PARD3B: variants seen among roughly 807,000 people sequenced by gnomAD.
The protein encoded by PARD3B is partitioning defective 3 homolog B.
Under a neutral mutation model 130.2 loss-of-function variants are expected in PARD3B, and 103 were observed. The observed-to-expected ratio is 0.79, with a 90% confidence interval of 0.67 to 0.93. The LOEUF (loss-of-function observed/expected upper bound fraction) is 0.93. Among genes scored for constraint, PARD3B ranks in the 40% least tolerant of loss-of-function variants. The pLI, the probability that PARD3B is intolerant of heterozygous loss-of-function variation, is 0.00. For synonymous variants in PARD3B, 583 were observed against 553.2 expected, an observed-to-expected ratio of 1.05 and a Z score of -0.76; for missense variants, 1,609 against 1,499.2, an observed-to-expected ratio of 1.07 and a Z score of -1.21.
At chr2:204,579,745 C>G (rs1472125880) in intron 1 of PARD3B, among the ~76,000 whole-genome samples, 1 of 152,228 alleles carries the variant, frequency 6.6e-6, no homozygotes, top group Non-Finnish European at 1.5e-5. Flanking sequence ...CTCATTCCTC[C>G]CCTCTACCCA....
At chr2:205,196,189 C>G (rs1319530443) in intron 15 of PARD3B, among the ~76,000 whole-genome samples, 1 of 152,158 alleles carries the variant, frequency 6.6e-6, no homozygotes, top group Middle Eastern at 3.2e-3. Context: ...AGTTGCTTCC[C>G]CATCTATGTA....
intron 20 of PARD3B, among the ~76,000 whole-genome samples, chr2:205,474,404 A>G (rs1461606768): frequency 6.6e-6 from 1 of 152,158 alleles, no homozygotes; most frequent in Non-Finnish European, 1.5e-5. Context: ...TATAGTGCTC[A>G]CACACACATA....
chr2:204,629,172 A>C (rs1211105778), intron 1 of PARD3B, among the ~76,000 whole-genome samples: 1 of 152,220 alleles, frequency 6.6e-6, no homozygotes, highest in Non-Finnish European at 1.5e-5. Context: ...CTCAAGGAGA[A>C]GCAAGAAGAA....
chr2:205,419,977 A>C (rs1454391508), intron 19 of PARD3B, among the ~76,000 whole-genome samples: 1 of 152,194 alleles, frequency 6.6e-6, no homozygotes, highest in Non-Finnish European at 1.5e-5. Flanking sequence ...ATATTTTCGA[A>C]AGATTTGCGG....
At position 205,473,638 on chromosome 2, in the gene PARD3B, A is replaced by G. The variant is rs762811850; in HGVS notation, c.3045-26258A>G. The stretch of plus-strand genomic sequence containing the variant: ...ATGCTTCTTTCTTCTATGTTTCCCA[A>G]TATAAGGTTATATATATGTGTGTGT... On this transcript the variant is annotated intron_variant, in intron 20 of 22. Transcript: ENST00000406610. This position sits in a 1 kb window ranked among gnomAD's most constrained non-coding sequence, Gnocchi z 4.9. Among the ~76,000 whole-genome samples, 1 of 146,670 alleles carries G rather than the reference A, an allele frequency of 6.8e-6. No individual in the cohort carries two copies. The highest frequency in any genetic ancestry group is 2.0e-4 in the East Asian group (1 of 4,982).
At chr2:205,063,272 C>A (rs1201691557) in intron 4 of PARD3B, among the ~76,000 whole-genome samples, 2 of 151,772 alleles carry the variant, frequency 1.3e-5, no homozygotes. Context: ...ATGAATGTAT[C>A]AAAGTATCAC....
intron 16 of PARD3B, among the ~76,000 whole-genome samples, chr2:205,273,717 G>T (rs953067594): frequency 6.6e-6 from 1 of 152,230 alleles, no homozygotes; most frequent in African/African-American, 2.4e-5. Flanking sequence ...CATCAGTCAT[G>T]TGTTCACTTG....
chr2:205,344,883 G>A lies in PARD3B; in HGVS notation c.2630+43182G>A, dbSNP rs897944823. 4.6e-5 allele frequency among the ~76,000 whole-genome samples: 7 copies of A among 152,192 alleles called. No homozygotes were observed. In the East Asian group the frequency reaches 5.8e-4, roughly 13 times the overall value. Reference sequence around the variant, plus strand: ...CTGGAAATATATTCTAAAAGCTCACGTCTGAAAGTTGGGTAACGAGGAATT... The same window carrying A: ...CTGGAAATATATTCTAAAAGCTCACATCTGAAAGTTGGGTAACGAGGAATT... On this transcript the variant is annotated intron_variant, in intron 18 of 22. Coordinates refer to ENST00000406610, the MANE Select transcript of PARD3B (RefSeq NM_001302769.2).
chr2:204,857,336 G>T (rs1442049228), intron 2 of PARD3B, among the ~76,000 whole-genome samples: 1 of 152,096 alleles, frequency 6.6e-6, no homozygotes, highest in Admixed American at 6.6e-5. Flanking sequence ...GTTTGTATCT[G>T]TCTCTCAAGC....
rs1220456633 is a variant in PARD3B, at chr2:205,563,368, C to T, written c.3260+9965C>T. Among the ~76,000 whole-genome samples, 2 of 152,128 alleles carry T rather than the reference C, an allele frequency of 1.3e-5. No homozygotes were observed. Among genetic ancestry groups the T allele is most frequent in the Admixed American group, 6.6e-5 (1 of 15,266 alleles). On this transcript the variant is annotated intron_variant, in intron 22 of 22. Coordinates refer to ENST00000406610, the MANE Select transcript of PARD3B (RefSeq NM_001302769.2). The surrounding 1 kb of genome is among the most constrained non-coding windows in gnomAD (Gnocchi z 4.2). Reference sequence around the variant, plus strand: ...GCTGGCTAGGAGTCATATGATGCTCCTTTAATAAAAGAAAAAAATGTATCC... The same window carrying T: ...GCTGGCTAGGAGTCATATGATGCTCTTTTAATAAAAGAAAAAAATGTATCC...
chr2:204,598,777 C>T (rs2033396810), intron 1 of PARD3B, among the ~76,000 whole-genome samples: 2 of 151,718 alleles, frequency 1.3e-5, no homozygotes, highest in South Asian at 4.2e-4. Context: ...TTTACGTATC[C>T]ATCATTATTT....
intron 22 of PARD3B, among the ~76,000 whole-genome samples, chr2:205,574,960 T>C (rs1044277965): frequency 8.6e-5 from 13 of 151,460 alleles, no homozygotes; most frequent in African/African-American, 3.1e-4. Context: ...CACAGAAAGG[T>C]TCATCGTATC....
At chr2:204,959,629 A>T (rs1429839407) in intron 2 of PARD3B, among the ~76,000 whole-genome samples, 1 of 152,160 alleles carries the variant, frequency 6.6e-6, no homozygotes, top group Non-Finnish European at 1.5e-5. Flanking sequence ...GTTCTTGTTG[A>T]CTTTCCTTTT....
chr2:205,001,241 G>A (rs911449292), intron 3 of PARD3B, among the ~76,000 whole-genome samples: 8 of 152,080 alleles, frequency 5.3e-5, no homozygotes, highest in Non-Finnish European at 7.3e-5. Flanking sequence ...TGCTCACCTC[G>A]GCCTCCCAAA....
At chr2:205,200,872 G>A (rs1453423567) in intron 15 of PARD3B, among the ~76,000 whole-genome samples, 1 of 152,170 alleles carries the variant, frequency 6.6e-6, no homozygotes, top group Non-Finnish European at 1.5e-5. Context: ...AAGATTAATT[G>A]TATAAGTGTA....
intron 16 of PARD3B, among the ~76,000 whole-genome samples, chr2:205,293,165 C>T (rs903890191): frequency 2.6e-5 from 4 of 151,906 alleles, no homozygotes; most frequent in Non-Finnish European, 4.4e-5. Flanking sequence ...CCAGGCTATA[C>T]AATATGTAAA....
At chr2:204,897,095 A>G (rs2046665902) in intron 2 of PARD3B, among the ~76,000 whole-genome samples, 1 of 152,186 alleles carries the variant, frequency 6.6e-6, no homozygotes, top group African/African-American at 2.4e-5. Flanking sequence ...TATGTTGTTC[A>G]TGGAAATATT....
At chr2:205,133,757 C>T (rs985147558) in intron 10 of PARD3B, among the ~76,000 whole-genome samples, 1 of 152,198 alleles carries the variant, frequency 6.6e-6, no homozygotes, top group African/African-American at 2.4e-5. Context: ...AGTTACCCAA[C>T]TCAATTACCC....
At chr2:205,037,260 G>T (rs1264496174) in intron 3 of PARD3B, among the ~76,000 whole-genome samples, 1 of 146,218 alleles carries the variant, frequency 6.8e-6, no homozygotes, top group African/African-American at 2.5e-5. Flanking sequence ...TATATATATA[G>T]TGGACTATTT....
Sources: allele counts gnomAD v4.1 joint callset (sites outside exome capture counted in the v4.1 genomes callset), GRCh38; gene constraint gnomAD v4.1.1; non-coding constraint Gnocchi (gnomAD v3.1); transcripts MANE v1.5; gene names NCBI Gene and HGNC (gene_info 2026-07-23, HGNC 2026-07-21).